The following LUZP2 variants were observed in gnomAD, a reference collection of about 807,000 sequenced individuals.
The protein encoded by LUZP2 is leucine zipper protein 2.
Under a neutral mutation model 51.6 loss-of-function variants are expected in LUZP2, and 52 were observed. The observed-to-expected ratio is 1.01, with a 90% CI of 0.81 to 1.27. The LOEUF (loss-of-function observed/expected upper bound fraction) is 1.27, where lower values mean the gene tolerates loss of function less well. Ranked by LOEUF, LUZP2 falls within the 50% of genes most tolerant of loss-of-function variation. LUZP2 has a pLI of 0.00. For missense variants in LUZP2, 436 were observed against 395.4 expected (o/e 1.10, Z -0.87); for synonymous variants, 154 against 137.3 (o/e 1.12, Z -0.85).
chr11:24,975,555 C>A (rs1156850836), intron 7 of LUZP2, among the ~76,000 whole-genome samples: 1 of 151,970 alleles, frequency 6.6e-6, no homozygotes, highest in Non-Finnish European at 1.5e-5. Flanking sequence ...ATAAATGGAA[C>A]AATAATGGAA....
intron 5 of LUZP2, among the ~76,000 whole-genome samples, chr11:24,796,781 T>G (rs188034720): frequency 6.6e-6 from 1 of 152,190 alleles, no homozygotes; most frequent in Non-Finnish European, 1.5e-5. Context: ...CTACACAAGT[T>G]TTTTTTGGTT....
chr11:24,507,297 C>T (rs961332701), intron 1 of LUZP2, among the ~76,000 whole-genome samples: 12 of 152,156 alleles, frequency 7.9e-5, no homozygotes, highest in African/African-American at 2.9e-4. Flanking sequence ...AGTATACTTT[C>T]ATCTCTTTAC....
chr11:24,977,972 G>A (rs536057025), intron 8 of LUZP2, among the ~76,000 whole-genome samples: 123 of 151,182 alleles, frequency 8.1e-4, no homozygotes, highest in Non-Finnish European at 1.5e-3. Context: ...ATTTATTTGC[G>A]AAAATTAAGC....
At chr11:24,533,993 G>A (rs532104820) in intron 1 of LUZP2, among the ~76,000 whole-genome samples, 44 of 151,298 alleles carry the variant, frequency 2.9e-4, no homozygotes, top group African/African-American at 9.9e-4. Context: ...TTTAAAAATA[G>A]GCACTTATTC....
chr11:24,804,621 A>G (rs1849799438), intron 5 of LUZP2, among the ~76,000 whole-genome samples: 1 of 152,156 alleles, frequency 6.6e-6, no homozygotes, highest in Non-Finnish European at 1.5e-5. Flanking sequence ...TCTATCTTAG[A>G]GAATAAAGAT....
At chr11:24,943,877 C>CAA (rs33998362) in intron 7 of LUZP2, among the ~76,000 whole-genome samples, 5 of 103,354 alleles carry the variant, frequency 4.8e-5, no homozygotes, top group East Asian at 2.8e-4. Flanking sequence ...GACTCCATCT[C>CAA]AAAAAAAAAA....
intron 1 of LUZP2, among the ~76,000 whole-genome samples, chr11:24,660,686 G>A (rs773634851): frequency 2.0e-5 from 3 of 152,056 alleles, no homozygotes; most frequent in Admixed American, 6.6e-5. Context: ...TGCATTCACC[G>A]TAATCCTCAG....
chr11:24,935,771 A>AT (rs1293372707), intron 7 of LUZP2, among the ~76,000 whole-genome samples: 1 of 152,138 alleles, frequency 6.6e-6, no homozygotes, highest in East Asian at 1.9e-4. Context: ...ATGTCATAAC[A>AT]TTTTTTTAAA....
chr11:24,961,000 A>C (rs572232995), intron 7 of LUZP2, among the ~76,000 whole-genome samples: 1 of 151,984 alleles, frequency 6.6e-6, no homozygotes, highest in Non-Finnish European at 1.5e-5. Flanking sequence ...TCATTTCGTT[A>C]TGTACCCAGT....
chr11:24,876,839 A>G (rs563079589), intron 5 of LUZP2, among the ~76,000 whole-genome samples: 1 of 152,186 alleles, frequency 6.6e-6, no homozygotes, highest in East Asian at 1.9e-4. Flanking sequence ...CCCTGATGGT[A>G]GAACACAGAC....
At chr11:25,004,317 C>T (rs1387363227) in intron 9 of LUZP2, among the ~76,000 whole-genome samples, 2 of 152,162 alleles carry the variant, frequency 1.3e-5, no homozygotes, top group Non-Finnish European at 2.9e-5. Flanking sequence ...CTAACAAGCC[C>T]TACCAGATGA....
intron 5 of LUZP2, among the ~76,000 whole-genome samples, chr11:24,789,592 CTT>C (rs1460847249): frequency 6.6e-6 from 1 of 152,156 alleles, no homozygotes; most frequent in East Asian, 1.9e-4. Context: ...TGCTACCTGT[CTT>C]AGTCTATTCA....
chr11:25,077,265 T>A, intron 10 of LUZP2, 64 bp from the exon 11 acceptor site: 2 of 1,223,180 alleles, frequency 1.6e-6, no homozygotes, highest in Non-Finnish European at 2.4e-6. Flanking sequence ...AGAGTGTTTT[T>A]GACTCCCCCC....
intron 1 of LUZP2, among the ~76,000 whole-genome samples, chr11:24,641,727 C>T (rs889436543): frequency 7.9e-5 from 12 of 151,904 alleles, no homozygotes; most frequent in Non-Finnish European, 4.4e-5. Context: ...TAGTATCATT[C>T]ACAATGATTT....
chr11:25,078,687 A>G lies in LUZP2; in HGVS notation c.*29A>G, dbSNP rs957945630. 6.7e-7 allele frequency: 1 copy of G among 1,482,962 alleles called. No individual in the cohort carries two copies. The highest frequency in any genetic ancestry group is 9.3e-7 in the Non-Finnish European group (1 of 1,074,632). 91.9% of individuals were successfully genotyped at this position (1,482,962 alleles called of 1,614,324 possible). A position where few individuals can be genotyped will look rare whatever the true frequency, so the allele number is the denominator to read the frequency against. On this transcript the variant is annotated 3_prime_UTR_variant, in exon 12 of 12. Transcript: ENST00000336930. ...CTAAGAAACTGTGTTAAAAACGTCC[A>G]TTTGCTATTGTCTTCATATTCTTTT...
At chr11:24,742,213 A>G (rs2133991620) in intron 4 of LUZP2, among the ~76,000 whole-genome samples, 1 of 151,354 alleles carries the variant, frequency 6.6e-6, no homozygotes, top group East Asian at 2.0e-4. Flanking sequence ...CTGGGTAGAT[A>G]CCCAGTAGTG....
intron 7 of LUZP2, among the ~76,000 whole-genome samples, chr11:24,957,634 T>G (rs1855248284): frequency 2.6e-5 from 4 of 152,196 alleles, no homozygotes; most frequent in Admixed American, 2.0e-4. Context: ...CTTAGCATAA[T>G]GCTCTTCAAT....
At chr11:24,919,686 A>G (rs1392648925) in intron 7 of LUZP2, among the ~76,000 whole-genome samples, 1 of 149,518 alleles carries the variant, frequency 6.7e-6, no homozygotes, top group Admixed American at 6.7e-5. Flanking sequence ...AATGATTTAA[A>G]TTTACATTAT....
At chr11:24,602,280 A>ATGTATATATG (rs1491119402) in intron 1 of LUZP2, among the ~76,000 whole-genome samples, 1 of 84,034 alleles carries the variant, frequency 1.2e-5, no homozygotes, top group Non-Finnish European at 2.5e-5. Flanking sequence ...ATACATATAT[A>ATGTATATATG]CACACATATA....
Sources: gnomAD v4.1 joint callset for allele counts (sites outside exome capture counted in the v4.1 genomes callset) on GRCh38, gnomAD v4.1.1 for gene constraint, MANE v1.5 for transcripts, NCBI Gene and HGNC (gene_info 2026-07-23, HGNC 2026-07-21) for gene names.